Variants in CSE1L observed in about 807,000 individuals in gnomAD.
The protein encoded by CSE1L is chromosome segregation 1 like.
In CSE1L, 24 loss-of-function variants were observed where a neutral mutation model predicts 120.4. The ratio of observed to expected loss-of-function variants is 0.20; its 90% confidence interval spans 0.14 to 0.28. CSE1L has a LOEUF of 0.28. CSE1L is among the 10% of genes least tolerant of loss of function. The probability of loss-of-function intolerance (pLI) is 1.00; values close to 1 mark genes in which losing one functional copy is unlikely to be tolerated. For synonymous variants in CSE1L, 402 were observed against 398.3 expected, an observed-to-expected ratio of 1.01 and a Z score of -0.11; for missense variants, 830 against 1,145.2, an observed-to-expected ratio of 0.72 and a Z score of 3.97.
chr20:49,091,302 G>C (rs2092099392), intron 21 of CSE1L, among the ~76,000 whole-genome samples: 1 of 151,474 alleles, frequency 6.6e-6, no homozygotes, highest in African/African-American at 2.4e-5. Context: ...GCATGTGCCT[G>C]TAGTCGCAGC....
At chr20:49,085,708 A>G (rs1243325353) in intron 16 of CSE1L, among the ~76,000 whole-genome samples, 1 of 150,940 alleles carries the variant, frequency 6.6e-6, no homozygotes, top group African/African-American at 2.4e-5. Context: ...AGTAACTGGG[A>G]TTACAGGTGC....
chr20:49,072,559 T>C lies in CSE1L; in HGVS notation c.937-9T>C. 2 of 1,606,206 alleles carry C rather than the reference T, an allele frequency of 1.2e-6. No homozygotes were observed. Among genetic ancestry groups the C allele is most frequent in the Non-Finnish European group, 1.7e-6 (2 of 1,176,502 alleles). The stretch of plus-strand genomic sequence containing the variant: ...TTAAAAATATTCTTGTTTTTGTGTT[T>C]TGTTCCAGTTGGTAAGTAATGCAAT... On this transcript the variant is annotated splice_polypyrimidine_tract_variant and intron_variant, in intron 9 of 24. Transcript: ENST00000262982.
At chr20:49,078,492 G>A in intron 13 of CSE1L, 69 bp from the exon 14 acceptor site, 1 of 980,318 alleles carries the variant, frequency 1.0e-6, no homozygotes, top group Non-Finnish European at 1.5e-6. Context: ...TAACTCTGAT[G>A]ATGTCACTAA....
Position 49,072,617 on chromosome 20 carries a change from A to T in CSE1L, c.986A>T (p.His329Leu), listed in dbSNP as rs1257937279. Residue 329 changes from histidine to leucine, a missense_variant, in exon 10 of 25, where the codon CAT (histidine) becomes CTT (leucine). Physicochemically the swap from His to Leu is moderately conservative, Grantham distance 99. Coordinates refer to ENST00000262982, the MANE Select transcript of CSE1L (RefSeq NM_001316.4). ...CTGGCTTCAGTTTGTGAGAGACCTC[A>T]TTATAAGAATCTATTTGAGGACCAG... ...QFLASVCERPHYKNLFEDQNT... is the reference protein window; with the variant it reads ...QFLASVCERPLYKNLFEDQNT... 1 of 1,613,774 alleles carries T rather than the reference A, an allele frequency of 6.2e-7. No individual in the cohort carries two copies. The highest frequency in any genetic ancestry group is 1.3e-5 in the African/African-American group (1 of 74,926).
chr20:49,071,224 A>G (rs2123706000), intron 8 of CSE1L, among the ~76,000 whole-genome samples: 1 of 152,350 alleles, frequency 6.6e-6, no homozygotes, highest in African/African-American at 2.4e-5. Context: ...TCGTTGTACA[A>G]CAGATTTTGT....
intron 8 of CSE1L, 96 bp from the exon 9 acceptor site, chr20:49,072,190 A>G (rs2091937451): frequency 1.6e-6 from 2 of 1,289,248 alleles, no homozygotes; most frequent in Non-Finnish European, 2.2e-6. Flanking sequence ...TTTGGATTTA[A>G]TTGATAAAGA....
At chr20:49,056,516 C>A (rs2091808504) in intron 1 of CSE1L, among the ~76,000 whole-genome samples, 2 of 152,138 alleles carry the variant, frequency 1.3e-5, no homozygotes, top group Non-Finnish European at 1.5e-5. Context: ...TCACCACAGT[C>A]CAATTTTAGA....
chr20:49,094,686 C>A (rs371006393), intron 23 of CSE1L, 46 bp from the exon 24 acceptor site: 4 of 1,351,106 alleles, frequency 3.0e-6, no homozygotes, highest in Non-Finnish European at 4.2e-6. Context: ...TTAAGTCTTC[C>A]GAGTATTTTC....
At chr20:49,065,136 T>G (rs930737741) in intron 3 of CSE1L, among the ~76,000 whole-genome samples, 1 of 142,684 alleles carries the variant, frequency 7.0e-6, no homozygotes, top group African/African-American at 2.7e-5. Context: ...CCAGCCTGGG[T>G]GACAGATGGA....
chr20:49,095,889 G>A (rs2092135924), intron 24 of CSE1L, among the ~76,000 whole-genome samples: 1 of 152,002 alleles, frequency 6.6e-6, no homozygotes, highest in Non-Finnish European at 1.5e-5. Context: ...TGTGGCGTGT[G>A]TATATATATG....
intron 22 of CSE1L, 32 bp downstream of exon 22, chr20:49,092,159 G>C: frequency 7.6e-7 from 1 of 1,321,576 alleles, no homozygotes; most frequent in Non-Finnish European, 1.1e-6. Flanking sequence ...TTTAAAGGAA[G>C]AAAATGTTTT....
intron 1 of CSE1L, among the ~76,000 whole-genome samples, chr20:49,047,581 T>C (rs2091728418): frequency 8.7e-6 from 1 of 115,070 alleles, no homozygotes; most frequent in African/African-American, 3.5e-5. Context: ...TTTTTTTTTT[T>C]TTTTTTTTTT....
intron 13 of CSE1L, among the ~76,000 whole-genome samples, chr20:49,077,321 G>A (rs1417019854): frequency 5.9e-5 from 9 of 151,808 alleles, no homozygotes; most frequent in South Asian, 2.1e-4. Flanking sequence ...CACCATGCCC[G>A]GCTAATTTTT....
At chr20:49,053,882 G>A (rs768161344) in intron 1 of CSE1L, among the ~76,000 whole-genome samples, 3 of 151,888 alleles carry the variant, frequency 2.0e-5, no homozygotes, top group Non-Finnish European at 2.9e-5. Flanking sequence ...TAGAGATGGG[G>A]TTTTGCCATG....
intron 23 of CSE1L, 28 bp from the exon 24 acceptor site, chr20:49,094,704 T>G (rs776863706): frequency 6.6e-7 from 1 of 1,520,832 alleles, no homozygotes; most frequent in South Asian, 1.1e-5. Context: ...TTCTTGACCT[T>G]TTTATCTCTT....
rs17632 is a variant in CSE1L at position 49,096,526 on chromosome 20, C to T, written c.*88C>T. ...CAGCTGCATTAAAACAAAGGAAGTT[C>T]TCCTTTTGAACTTGTCACGAATTCC... On this transcript the variant is annotated 3_prime_UTR_variant, in exon 25 of 25. Coordinates refer to ENST00000262982, the MANE Select transcript of CSE1L (RefSeq NM_001316.4). 0.4 allele frequency: 409,024 copies of T among 1,010,650 alleles called. 84,087 individuals carry two copies. The highest frequency in any genetic ancestry group is 0.48 in the Middle Eastern group (2,286 of 4,808). The allele number at this position is 1,010,650 out of a possible 1,614,324, so 62.6% of individuals were successfully genotyped here.
At chr20:49,094,446 T>C (rs1379210264) in intron 23 of CSE1L, among the ~76,000 whole-genome samples, 160 bp downstream of exon 23, 1 of 152,188 alleles carries the variant, frequency 6.6e-6, no homozygotes, top group Admixed American at 6.5e-5. Flanking sequence ...CTTCTGGGCT[T>C]AGAATGATCT....
chr20:49,078,316 A>G (rs1245704350), intron 13 of CSE1L, among the ~76,000 whole-genome samples: 2 of 152,226 alleles, frequency 1.3e-5, no homozygotes, highest in Non-Finnish European at 2.9e-5. Flanking sequence ...TCACCGATGC[A>G]TGGTCCAGCT....
chr20:49,084,229 T>G, intron 15 of CSE1L, 67 bp downstream of exon 15: 1 of 1,424,992 alleles, frequency 7.0e-7, no homozygotes, highest in South Asian at 1.4e-5. Flanking sequence ...CAAAGATATC[T>G]GAATGTTTTC....
Sources: gnomAD v4.1 joint callset for allele counts (sites outside exome capture counted in the v4.1 genomes callset) on GRCh38, gnomAD v4.1.1 for gene constraint, MANE v1.5 for transcripts, NCBI Gene and HGNC (gene_info 2026-07-23, HGNC 2026-07-21) for gene names.